Variants in B3GALT5 observed in about 807,000 individuals in gnomAD.
B3GALT5 encodes the protein beta-1,3-galactosyltransferase 5.
For synonymous variants in B3GALT5, 156 were observed against 158.6 expected (o/e 0.98, Z 0.12); for missense variants, 328 against 396.6 (o/e 0.83, Z 1.47).
intron 1 of B3GALT5, among the ~76,000 whole-genome samples, chr21:39,637,194 C>T (rs1410179335): frequency 6.6e-6 from 1 of 152,214 alleles, no homozygotes; most frequent in African/African-American, 2.4e-5. Context: ...CTGTTGGTTC[C>T]TCCCTTTTCC....
At chr21:39,639,484 T>TTCTC (rs1569212666) in intron 1 of B3GALT5, among the ~76,000 whole-genome samples, 13 of 135,182 alleles carry the variant, frequency 9.6e-5, no homozygotes, top group South Asian at 2.3e-4. Flanking sequence ...CTCTCTTTCT[T>TTCTC]TCTTTCTTTT....
Position 39,659,773 on chromosome 21 carries a change from A to G in B3GALT5, c.-140A>G. On this transcript the variant is annotated 5_prime_UTR_variant, in exon 3 of 4. Transcript: ENST00000684187. ...CCTAGTGATTCCTGTCAGAATCACC[A>G]TTTTTGGTAAACAAACCAAGCCCAG... 1 of 984,448 alleles carries G rather than the reference A, an allele frequency of 1.0e-6. No individual in the cohort carries two copies. 61.0% of individuals were successfully genotyped at this position (984,448 alleles called of 1,614,324 possible).
chr21:39,671,973 A>C lies in B3GALT5; in HGVS notation c.*10481A>C, dbSNP rs144799996. On this transcript the variant is annotated 3_prime_UTR_variant, in exon 4 of 4. Coordinates refer to ENST00000684187, the MANE Select transcript of B3GALT5 (RefSeq NM_001356336.2). ...TGCCAATCGGAAGACTGACAAACAA[A>C]AAATTAGTTTTTAATTAATTTAAAA... The C allele has an allele frequency of 1.3e-5, 2 of 152,358 alleles. No individual in the cohort carries two copies. The highest frequency in any genetic ancestry group is 2.4e-5 in the African/African-American group (1 of 41,588). 9.4% of individuals were successfully genotyped at this position (152,358 alleles called of 1,614,324 possible).
intron 1 of B3GALT5, among the ~76,000 whole-genome samples, chr21:39,624,918 G>A (rs546556250): frequency 6.6e-6 from 1 of 151,288 alleles, no homozygotes. Flanking sequence ...CTGAGACTCA[G>A]TTTACCATCT....
intron 2 of B3GALT5, among the ~76,000 whole-genome samples, chr21:39,656,973 G>A (rs927259863): frequency 2.6e-5 from 4 of 152,238 alleles, no homozygotes; most frequent in African/African-American, 9.6e-5. Flanking sequence ...TGGCCAGAAG[G>A]GGGGCAGTGA....
chr21:39,636,809 G>A (rs1157319829), intron 1 of B3GALT5, among the ~76,000 whole-genome samples: 2 of 152,160 alleles, frequency 1.3e-5, no homozygotes, highest in Non-Finnish European at 2.9e-5. Flanking sequence ...GTCAAATGGG[G>A]TTCTTTTTAT....
At chr21:39,615,675 T>C (rs1414582279) in intron 1 of B3GALT5, among the ~76,000 whole-genome samples, 1 of 152,232 alleles carries the variant, frequency 6.6e-6, no homozygotes, top group Non-Finnish European at 1.5e-5. Context: ...GGCAAGTTAC[T>C]TAATTTCCCT....
At chr21:39,655,631 G>A (rs989617669) in intron 2 of B3GALT5, among the ~76,000 whole-genome samples, 2 of 152,114 alleles carry the variant, frequency 1.3e-5, no homozygotes, top group African/African-American at 4.8e-5. Context: ...ATTGGGGTGG[G>A]GGGCATTCCT....
chr21:39,662,704 T>TAA lies in B3GALT5; in HGVS notation c.*1213_*1214insAA, dbSNP rs760018475. ...TGTGCGAGCCTGTGTTGCAGGGTTG[T>TAA]ATAAAACCAAGGTACTTCGTTAGTT... On this transcript the variant is annotated 3_prime_UTR_variant, in exon 4 of 4. Coordinates refer to ENST00000684187, the MANE Select transcript of B3GALT5 (RefSeq NM_001356336.2). 110 of 167,682 alleles carry TAA rather than the reference T, an allele frequency of 6.6e-4. 1 individual carries two copies. Among genetic ancestry groups the TAA allele is most frequent in the Admixed American group, 3.8e-3 (58 of 15,312 alleles). 10.4% of individuals were successfully genotyped at this position (167,682 alleles called of 1,614,324 possible).
At chr21:39,639,450 TTCTTTTTTTCTTTC>T (rs1454105494) in intron 1 of B3GALT5, among the ~76,000 whole-genome samples, 33 of 130,136 alleles carry the variant, frequency 2.5e-4, no homozygotes, top group African/African-American at 1.0e-3. Context: ...CTTTCTTTCT[TTCTTTTTTTCTTTC>T]TCTCTCTCTC....
intron 1 of B3GALT5, among the ~76,000 whole-genome samples, chr21:39,641,507 A>G (rs1569213426): frequency 6.6e-6 from 1 of 152,224 alleles, no homozygotes; most frequent in Non-Finnish European, 1.5e-5. Flanking sequence ...AGTCCATGTA[A>G]TGCTTGAATT....
chr21:39,653,779 G>A (rs972908621), intron 2 of B3GALT5, among the ~76,000 whole-genome samples: 8 of 152,302 alleles, frequency 5.3e-5, no homozygotes, highest in African/African-American at 1.9e-4. Flanking sequence ...CCCTGGGATT[G>A]GGGGCATTTT....
intron 1 of B3GALT5, among the ~76,000 whole-genome samples, chr21:39,615,215 G>C (rs1042396746): frequency 6.6e-6 from 1 of 152,192 alleles, no homozygotes; most frequent in African/African-American, 2.4e-5. Flanking sequence ...GCCTTGGCCT[G>C]AGGATAGGGT....
chr21:39,660,032 CT>C, intron 3 of B3GALT5, 120 bp downstream of exon 3: 2 of 553,446 alleles, frequency 3.6e-6, no homozygotes, highest in Non-Finnish European at 4.6e-6. Flanking sequence ...TAAAAAGTAA[CT>C]TAAAAAAAAA....
chr21:39,636,371 G>T (rs1342595260), intron 1 of B3GALT5, among the ~76,000 whole-genome samples: 6 of 152,182 alleles, frequency 3.9e-5, no homozygotes, highest in African/African-American at 1.4e-4. Context: ...GGGCTGTGAG[G>T]AAGGAGCTGA....
Position 39,660,934 on chromosome 21 carries a change from A to G in B3GALT5, c.375A>G (p.Leu125=), listed in dbSNP as rs375778774. The change falls in exon 4 of 4, where the codon CTA becomes CTG. Residue 125 remains leucine (L), a synonymous_variant. Transcript: ENST00000684187. Reference sequence around the variant, plus strand: ...GGGACATTATCCAGAAGGATTTCCTAGACGTCTATTACAATCTGACCCTGA... The same window carrying G: ...GGGACATTATCCAGAAGGATTTCCTGGACGTCTATTACAATCTGACCCTGA... ...RHGDIIQKDF[L]DVYYNLTLKT... is the part of the protein sequence containing the mutation. The G allele has an allele frequency of 3.2e-5, 51 of 1,607,844 alleles. No individual in the cohort carries two copies. The highest frequency in any genetic ancestry group is 4.2e-5 in the Non-Finnish European group (49 of 1,176,756).
chr21:39,619,505 T>C (rs1169567666), intron 1 of B3GALT5, among the ~76,000 whole-genome samples: 1 of 152,200 alleles, frequency 6.6e-6, no homozygotes, highest in African/African-American at 2.4e-5. Flanking sequence ...ATCTTATTGA[T>C]GTAATAAGTT....
rs565221258 is a variant in B3GALT5 at position 39,661,779 on chromosome 21, A to C, written c.*287A>C. On this transcript the variant is annotated 3_prime_UTR_variant, in exon 4 of 4. Coordinates refer to ENST00000684187, the MANE Select transcript of B3GALT5 (RefSeq NM_001356336.2). The surrounding 1 kb of genome is among the most constrained non-coding windows in gnomAD (Gnocchi z 4.7). ...ATGACATGATGGGTGTTACCATCCT[A>C]ATTTTACAGGCAAGGACACAGCAGC... The C allele has an allele frequency of 1.0e-5, 3 of 286,462 alleles. No individual in the cohort carries two copies. Among genetic ancestry groups the C allele is most frequent in the African/African-American group, 6.6e-5 (3 of 45,654 alleles). 17.7% of individuals were successfully genotyped at this position (286,462 alleles called of 1,614,324 possible).
At chr21:39,618,317 C>G (rs996011664) in intron 1 of B3GALT5, among the ~76,000 whole-genome samples, 5 of 152,074 alleles carry the variant, frequency 3.3e-5, no homozygotes, top group Non-Finnish European at 7.4e-5. Context: ...GAGTACATAC[C>G]TAGAAAAGAT....
Sources: allele counts gnomAD v4.1 joint callset (sites outside exome capture counted in the v4.1 genomes callset), GRCh38; gene constraint gnomAD v4.1.1; non-coding constraint Gnocchi (gnomAD v3.1); transcripts MANE v1.5; gene names NCBI Gene and HGNC (gene_info 2026-07-23, HGNC 2026-07-21).